Variants in SHISA9 observed in about 807,000 individuals in gnomAD.
SHISA9 encodes protein shisa-9.
A neutral mutation model predicts 38.0 loss-of-function variants in SHISA9; 13 were observed. That is an observed-to-expected ratio of 0.34 (90% CI 0.22 to 0.54). The LOEUF (loss-of-function observed/expected upper bound fraction) is 0.54, where lower values mean the gene tolerates loss of function less well. Among genes scored for constraint, SHISA9 ranks in the 20% least tolerant of loss-of-function variants. The pLI, the probability that SHISA9 is intolerant of heterozygous loss-of-function variation, is 0.91. For missense variants in SHISA9, 538 were observed against 575.8 expected, an observed-to-expected ratio of 0.93 and a Z score of 0.67; for synonymous variants, 275 against 242.0, an observed-to-expected ratio of 1.14 and a Z score of -1.27.
At chr16:13,543,236 G>A in the SHISA9 span, among the ~76,000 whole-genome samples, 1 of 152,264 alleles carries the variant, frequency 6.6e-6, no homozygotes. Flanking sequence ...GTACAATGTG[G>A]TATAATGTTA....
the SHISA9 span, among the ~76,000 whole-genome samples, chr16:13,539,317 TAAAGA>T: frequency 2.7e-5 from 1 of 36,504 alleles, no homozygotes; most frequent in Admixed American, 4.0e-4. Context: ...TATATATATA[TAAAGA>T]CAGGATCTTT....
At chr16:12,908,556 T>G in intron 1 of SHISA9, 1 of 1,551,880 alleles carries the variant, frequency 6.4e-7, no homozygotes, top group Non-Finnish European at 8.7e-7. Flanking sequence ...GAGTGGAGTG[T>G]CGGACTTCAA....
At chr16:13,102,444 G>A (rs1169841268) in intron 2 of SHISA9, among the ~76,000 whole-genome samples, 1 of 152,136 alleles carries the variant, frequency 6.6e-6, no homozygotes, top group Non-Finnish European at 1.5e-5. Flanking sequence ...GGCCCAGGAG[G>A]TCTCTTTCTC....
intron 2 of SHISA9, among the ~76,000 whole-genome samples, chr16:13,052,959 C>CT (rs925020167): frequency 0.031 from 3,312 of 106,000 alleles, 181 homozygotes; most frequent in African/African-American, 0.085. Flanking sequence ...TCCTTCCTTT[C>CT]TTTTTTTTTT....
the SHISA9 span, among the ~76,000 whole-genome samples, chr16:13,452,702 C>G: frequency 1.3e-5 from 2 of 152,130 alleles, no homozygotes; most frequent in South Asian, 4.1e-4. Flanking sequence ...AGATAAAAAC[C>G]TAAGCTATTT....
the SHISA9 span, among the ~76,000 whole-genome samples, chr16:13,344,681 G>A: frequency 0.019 from 2,845 of 152,244 alleles, 39 homozygotes; most frequent in Middle Eastern, 0.041. Context: ...CAGGCATGAT[G>A]ATAAGCACTT....
chr16:13,334,653 A>G, the SHISA9 span, among the ~76,000 whole-genome samples: 1 of 151,910 alleles, frequency 6.6e-6, no homozygotes, highest in Non-Finnish European at 1.5e-5. Context: ...GGGCGCCTGT[A>G]ATCCCAGCTA....
intron 2 of SHISA9, among the ~76,000 whole-genome samples, chr16:13,070,532 C>A (rs1041393984): frequency 2.0e-5 from 3 of 152,208 alleles, no homozygotes; most frequent in African/African-American, 7.2e-5. Context: ...GCTAGGGCTT[C>A]TCAGCCTGGG....
chr16:13,116,355 T>A (rs1234317264), intron 2 of SHISA9, among the ~76,000 whole-genome samples: 2 of 152,144 alleles, frequency 1.3e-5, no homozygotes, highest in Non-Finnish European at 2.9e-5. Context: ...AATAAATACA[T>A]GGTCTTTAAT....
At chr16:13,360,114 C>G in the SHISA9 span, among the ~76,000 whole-genome samples, 1 of 152,236 alleles carries the variant, frequency 6.6e-6, no homozygotes, top group African/African-American at 2.4e-5. Context: ...CATCCAGTTC[C>G]TCTCTATCTC....
chr16:13,456,331 C>T, the SHISA9 span, among the ~76,000 whole-genome samples: 4 of 152,196 alleles, frequency 2.6e-5, no homozygotes, highest in Non-Finnish European at 4.4e-5. Flanking sequence ...CTCCAACTCC[C>T]ACCTGCTGTA....
At chr16:13,537,196 CG>C in the SHISA9 span, among the ~76,000 whole-genome samples, 1 of 152,090 alleles carries the variant, frequency 6.6e-6, no homozygotes, top group East Asian at 1.9e-4. Context: ...GGGAGGCCTA[CG>C]GGGGCAAATC....
At chr16:12,959,894 T>C (rs534021888) in intron 2 of SHISA9, among the ~76,000 whole-genome samples, 2 of 152,226 alleles carry the variant, frequency 1.3e-5, no homozygotes, top group Non-Finnish European at 2.9e-5. Flanking sequence ...TATTTTGAAT[T>C]GAAATGCTTT....
chr16:13,084,864 AC>A (rs2073693338), intron 2 of SHISA9, among the ~76,000 whole-genome samples: 1 of 152,200 alleles, frequency 6.6e-6, no homozygotes, highest in African/African-American at 2.4e-5. Context: ...TTCCAGGCAG[AC>A]GGAACAGCTT....
At chr16:12,966,508 G>C (rs2071980699) in intron 2 of SHISA9, among the ~76,000 whole-genome samples, 1 of 152,074 alleles carries the variant, frequency 6.6e-6, no homozygotes, top group Non-Finnish European at 1.5e-5. Flanking sequence ...TCCTGCCTCA[G>C]CCTCCCAAAG....
rs1396196953 is a variant in SHISA9 at position 13,107,468 on chromosome 16, A to AAC, written c.692-95924_692-95923dup. On this transcript the variant is annotated intron_variant, in intron 2 of 4. Coordinates refer to ENST00000558583, the MANE Select transcript of SHISA9 (RefSeq NM_001145204.3). ...CAAACAAACAAACAAACAAAAAAAC[A>AAC]ACAGACACACACACACACACACACA... Among the ~76,000 whole-genome samples, 17 of 97,986 alleles carry AAC rather than the reference A, an allele frequency of 1.7e-4. No individual in the cohort carries two copies. In the East Asian group the frequency reaches 4.1e-3, roughly 23 times the overall value. The allele number at this position is 97,986 out of a possible 152,430, so 64.3% of individuals were successfully genotyped here.
chr16:12,927,686 G>A (rs1459717671), intron 2 of SHISA9, among the ~76,000 whole-genome samples: 1 of 151,748 alleles, frequency 6.6e-6, no homozygotes, highest in African/African-American at 2.4e-5. Flanking sequence ...TGGGATTACA[G>A]GTGTGAACCA....
the SHISA9 span, among the ~76,000 whole-genome samples, chr16:13,375,200 C>T: frequency 6.6e-6 from 1 of 152,162 alleles, no homozygotes; most frequent in Non-Finnish European, 1.5e-5. Context: ...TCAATTGTGG[C>T]TTCTGTTGCC....
intron 2 of SHISA9, among the ~76,000 whole-genome samples, chr16:13,135,049 A>G (rs2050336896): frequency 6.6e-6 from 1 of 152,320 alleles, no homozygotes; most frequent in East Asian, 1.9e-4. Flanking sequence ...GGCCAAAGCA[A>G]GTCACATGAC....
Sources: gnomAD v4.1 joint callset for allele counts (sites outside exome capture counted in the v4.1 genomes callset) on GRCh38, gnomAD v4.1.1 for gene constraint, MANE v1.5 for transcripts, NCBI Gene and HGNC (gene_info 2026-07-23, HGNC 2026-07-21) for gene names.